Variants in GPR17 observed in about 807,000 individuals in gnomAD.
GPR17 encodes G protein-coupled receptor 17.
Under a neutral mutation model 1.5 loss-of-function variants are expected in GPR17, and 4 were observed. The ratio of observed to expected loss-of-function variants is 2.73; its 90% CI spans 1.35 to 6.25. GPR17 has a LOEUF of 6.25. Among genes scored for constraint, GPR17 ranks in the 30% most tolerant of loss-of-function variants. The pLI is 0.00. For missense variants in GPR17, 463 were observed against 462.1 expected (o/e 1.00, Z -0.02); for synonymous variants, 209 against 207.6 (o/e 1.01, Z -0.06).
rs61742898 is a variant in GPR17 at position 127,650,029 on chromosome 2, G to A, written c.-20-687G>A. On this transcript the variant is annotated intron_variant, in intron 1 of 1. Coordinates refer to ENST00000486700, the MANE Select transcript of GPR17 (RefSeq NM_001161417.2). ...CTGTCAGGATGTCCAAACGGAGTTGGTGGGCTGGATCCAGAAAGCCCCCAA... is the reference window on the plus strand; with the variant it reads ...CTGTCAGGATGTCCAAACGGAGTTGATGGGCTGGATCCAGAAAGCCCCCAA... The A allele has an allele frequency of 1.8e-4, 291 of 1,609,044 alleles. 3 individuals are homozygous for A. In the African/African-American group the frequency reaches 3.5e-3, roughly 19 times the overall value.
chr2:127,651,041 C>T lies in GPR17; in HGVS notation c.306C>T (p.Ile102=), dbSNP rs765363098. The change falls in exon 2 of 2, where the codon ATC becomes ATT. Residue 102 remains isoleucine (I), a synonymous_variant. Coordinates refer to ENST00000486700, the MANE Select transcript of GPR17 (RefSeq NM_001161417.2). ...FSGNHWPFGE[I]ACRLTGFLFY... The stretch of plus-strand genomic sequence containing the variant: ...GGAACCACTGGCCATTTGGGGAAAT[C>T]GCATGCCGTCTCACCGGCTTCCTCT... The T allele has an allele frequency of 1.5e-5, 25 of 1,613,638 alleles. No individual in the cohort carries two copies. The highest frequency in any genetic ancestry group is 1.3e-4 in the Admixed American group (8 of 60,012).
intron 1 of GPR17, chr2:127,646,459 A>T (rs764249377): frequency 2.6e-5 from 4 of 152,290 alleles, no homozygotes; most frequent in Non-Finnish European, 4.4e-5. Flanking sequence ...TGCAGAGGGG[A>T]AGTGGCTTGC....
chr2:127,651,815 G>A lies in GPR17; in HGVS notation c.*60G>A, dbSNP rs535199334. The A allele has an allele frequency of 6.6e-7, 1 of 1,507,196 alleles. No individual in the cohort carries two copies. The highest frequency in any genetic ancestry group is 9.1e-7 in the Non-Finnish European group (1 of 1,104,084). The allele number at this position is 1,507,196 out of a possible 1,614,324, so 93.4% of individuals were successfully genotyped here. ...TTAGGACTCAGCAGACCCAGCAAGA[G>A]GCATCTGCCCTTTCCCCAGCCACCT... On this transcript the variant is annotated 3_prime_UTR_variant, in exon 2 of 2. Coordinates refer to ENST00000486700, the MANE Select transcript of GPR17 (RefSeq NM_001161417.2).
chr2:127,650,296 C>T (rs1683595462), intron 1 of GPR17: 1 of 578,938 alleles, frequency 1.7e-6, no homozygotes, highest in Non-Finnish European at 3.1e-6. Flanking sequence ...AGCTGGAATC[C>T]CGGAGACACA....
In GPR17 at chr2:127,651,559, T is replaced by C. The variant is rs757677352; in HGVS notation, c.824T>C (p.Leu275Pro). ...GCCTCCTGCGCCACCCAGCGCATCC[T>C]GGCCCTGGCAAACCGCATCACCTCC... ...HGASCATQRILALANRITSCL... is the reference protein window; with the variant it reads ...HGASCATQRIPALANRITSCL... Residue 275 changes from leucine to proline, a missense_variant, in exon 2 of 2, where the codon CTG becomes CCG. By Grantham distance (98) the Leu-to-Pro change is moderately conservative (BLOSUM62 -3). Coordinates refer to ENST00000486700, the MANE Select transcript of GPR17 (RefSeq NM_001161417.2). 13 of 1,612,618 alleles carry C rather than the reference T, an allele frequency of 8.1e-6. No individual in the cohort carries two copies. Among genetic ancestry groups the C allele is most frequent in the Non-Finnish European group, 8.5e-6 (10 of 1,180,048 alleles).
chr2:127,650,468 G>A (rs1260588059), intron 1 of GPR17: 1 of 556,452 alleles, frequency 1.8e-6, no homozygotes, highest in Admixed American at 3.3e-5. Context: ...TGGGTGGCAG[G>A]GGTGCAGCTG....
intron 1 of GPR17, among the ~76,000 whole-genome samples, chr2:127,649,744 C>T (rs1683508277): frequency 6.6e-6 from 1 of 152,246 alleles, no homozygotes; most frequent in African/African-American, 2.4e-5. Flanking sequence ...ACCAGACGGA[C>T]ATGACTTGTT....
Position 127,651,158 on chromosome 2 carries a change from G to A in GPR17, c.423G>A (p.Lys141=). ...LAIVHPVKSL[K]LRRPLYAHLA... ...TTGTGCACCCGGTCAAGTCCCTCAA[G>A]CTCCGCAGGCCCCTCTACGCACACC... The change falls in exon 2 of 2, where the codon AAG becomes AAA. Residue 141 remains lysine, a synonymous_variant. Coordinates refer to ENST00000486700, the MANE Select transcript of GPR17 (RefSeq NM_001161417.2). The A allele has an allele frequency of 6.2e-7, 1 of 1,612,914 alleles. No homozygotes were observed. The highest frequency in any genetic ancestry group is 8.5e-7 in the Non-Finnish European group (1 of 1,180,000).
Position 127,651,621 on chromosome 2 carries a change from A to G in GPR17, c.886A>G (p.Met296Val). 1.2e-6 allele frequency: 2 copies of G among 1,613,512 alleles called. No homozygotes were observed. Among genetic ancestry groups the G allele is most frequent in the East Asian group, 2.2e-5 (1 of 44,882 alleles). Residue 296 changes from methionine to valine, a missense_variant, in exon 2 of 2, where the codon ATG (methionine) becomes GTG (valine). By Grantham distance (21) the Met-to-Val change is conservative. Transcript: ENST00000486700. ...CCTCAACGGGGCACTCGACCCCATC[A>G]TGTATTTCTTCGTGGCTGAGAAGTT... ...TSLNGALDPI[M>V]YFFVAEKFRH...
chr2:127,649,126 C>T (rs1481183022), intron 1 of GPR17, among the ~76,000 whole-genome samples: 1 of 126,780 alleles, frequency 7.9e-6, no homozygotes. Context: ...TAAAGAAAAG[C>T]AAGCAAACAA....
rs369831546 is a variant in GPR17 at position 127,650,957 on chromosome 2, C to T, written c.222C>T (p.Ala74=). The T allele has an allele frequency of 7.3e-5, 117 of 1,613,792 alleles. No individual in the cohort carries two copies. Among genetic ancestry groups the T allele is most frequent in the Admixed American group, 4.8e-4 (29 of 60,008 alleles). ...TPANVFLMHL[A]VADLSCVLVL... ...CCAACGTGTTCCTGATGCATCTGGC[C>T]GTGGCCGACTTGTCGTGCGTGCTGG... The change falls in exon 2 of 2, where the codon GCC becomes GCT. Residue 74 remains alanine (A), a synonymous_variant. Transcript: ENST00000486700.
rs1222925054 is a variant in GPR17 at position 127,651,583 on chromosome 2, C to A, written c.848C>A (p.Ser283Tyr). The A allele has an allele frequency of 6.2e-7, 1 of 1,613,016 alleles. No individual in the cohort carries two copies. The highest frequency in any genetic ancestry group is 8.5e-7 in the Non-Finnish European group (1 of 1,180,046). The stretch of plus-strand genomic sequence containing the variant: ...CTGGCCCTGGCAAACCGCATCACCT[C>A]CTGCCTCACCAGCCTCAACGGGGCA... The part of the protein sequence containing the change: ...RILALANRIT[S>Y]CLTSLNGALD... The change falls in exon 2 of 2, where the codon TCC becomes TAC. Residue 283 changes from serine (S) to tyrosine (Y), a missense_variant. Physicochemically the swap from Ser to Tyr is moderately radical, Grantham distance 144. Coordinates refer to ENST00000486700, the MANE Select transcript of GPR17 (RefSeq NM_001161417.2).
At position 127,652,064 on chromosome 2, in the gene GPR17, G is replaced by A. The variant is rs541956607; in HGVS notation, c.*309G>A. The A allele has an allele frequency of 1.2e-4, 45 of 376,648 alleles. No individual in the cohort carries two copies. The East Asian group carries it at 1.5e-3, about 13-fold the overall frequency. The allele number at this position is 376,648 out of a possible 1,614,324, so 23.3% of individuals were successfully genotyped here. On this transcript the variant is annotated 3_prime_UTR_variant, in exon 2 of 2. Transcript: ENST00000486700. ...TGAACAATGGAGGCCTTTCTTTCCCGCTAGGCTCCCAGCCTCCTTCCCGCT... is the reference window on the plus strand; with the variant it reads ...TGAACAATGGAGGCCTTTCTTTCCCACTAGGCTCCCAGCCTCCTTCCCGCT...
rs1032178196 is a variant in GPR17, at chr2:127,652,108, G to C, written c.*353G>C. On this transcript the variant is annotated 3_prime_UTR_variant, in exon 2 of 2. Transcript: ENST00000486700. ...TCCCGCTACAGAATCGCTCATCGGC[G>C]AGGCTCAGCAGAAAGACCCTGAAGG... 6.6e-6 allele frequency: 2 copies of C among 301,654 alleles called. No individual in the cohort carries two copies. The highest frequency in any genetic ancestry group is 1.3e-5 in the Non-Finnish European group (2 of 152,644). 18.7% of individuals were successfully genotyped at this position (301,654 alleles called of 1,614,324 possible). A position where few individuals can be genotyped will look rare whatever the true frequency, so the allele number is the denominator to read the frequency against.
At chr2:127,650,191 C>A in intron 1 of GPR17, 3 of 913,798 alleles carry the variant, frequency 3.3e-6, no homozygotes, top group Non-Finnish European at 3.4e-6. Flanking sequence ...AAAGCGGTGA[C>A]ACCCCGGCCA....
At chr2:127,649,522 G>A (rs1241922108) in intron 1 of GPR17, among the ~76,000 whole-genome samples, 3 of 152,230 alleles carry the variant, frequency 2.0e-5, no homozygotes, top group South Asian at 2.1e-4. Flanking sequence ...CAATTCAAAG[G>A]CAGGCCAGGT....
rs996182701 is a variant in GPR17, at chr2:127,647,152, C to T, written c.-21+908C>T. Reference sequence around the variant, plus strand: ...GGCCCTGAGCCCAGTAACACTCTGCCGTCACTGTCCTGAAACTCTTCCTTT... The same window carrying T: ...GGCCCTGAGCCCAGTAACACTCTGCTGTCACTGTCCTGAAACTCTTCCTTT... On this transcript the variant is annotated intron_variant, in intron 1 of 1. Coordinates refer to ENST00000486700, the MANE Select transcript of GPR17 (RefSeq NM_001161417.2). This position sits in a 1 kb window ranked among gnomAD's most constrained non-coding sequence, Gnocchi z 4.3. Among the ~76,000 whole-genome samples, 1 of 152,176 alleles carries T rather than the reference C, an allele frequency of 6.6e-6. No homozygotes were observed. Among genetic ancestry groups the T allele is most frequent in the African/African-American group, 2.4e-5 (1 of 41,442 alleles).
chr2:127,649,910 T>C, intron 1 of GPR17: 2 of 948,550 alleles, frequency 2.1e-6, no homozygotes, highest in Non-Finnish European at 3.2e-6. Context: ...GAAGAGATGC[T>C]GCCCCCTGGT....
chr2:127,648,074 T>C (rs1683196261), intron 1 of GPR17: 1 of 985,364 alleles, frequency 1.0e-6, no homozygotes, highest in South Asian at 4.7e-5. Flanking sequence ...GCCCTCACCG[T>C]GGTTTTAGCA....
Sources: allele counts gnomAD v4.1 joint callset (sites outside exome capture counted in the v4.1 genomes callset), GRCh38; gene constraint gnomAD v4.1.1; non-coding constraint Gnocchi (gnomAD v3.1); transcripts MANE v1.5; gene names NCBI Gene and HGNC (gene_info 2026-07-23, HGNC 2026-07-21).